The following IL16 variants were observed in gnomAD, a reference collection of about 807,000 sequenced individuals.
IL16 encodes the protein pro-interleukin-16.
In IL16, 67 loss-of-function variants were observed where a neutral mutation model predicts 110.1. The observed-to-expected ratio is 0.61, with a 90% CI of 0.50 to 0.75. The LOEUF (loss-of-function observed/expected upper bound fraction) is 0.75, where lower values mean the gene tolerates loss of function less well. Ranked by LOEUF, IL16 falls within the 30% of genes least tolerant of loss-of-function variation. The probability of loss-of-function intolerance (pLI) is 0.00; values close to 1 mark genes in which losing one functional copy is unlikely to be tolerated. For missense variants in IL16, 1,545 were observed against 1,655.0 expected (o/e 0.93, Z 1.15); for synonymous variants, 689 against 662.9 (o/e 1.04, Z -0.61).
At position 81,300,430 on chromosome 15, in the gene IL16, A is replaced by G. The variant is rs753087886; in HGVS notation, c.3104A>G (p.Asn1035Ser). 6.2e-7 allele frequency: 1 copy of G among 1,614,134 alleles called. No individual in the cohort carries two copies. The highest frequency in any genetic ancestry group is 1.1e-5 in the South Asian group (1 of 91,076). The stretch of plus-strand genomic sequence containing the variant: ...TCATCCAACGAAGACTCAGCTGCAA[A>G]TGGTTCTGCTGAAACATCTGCCTTG... ...TSSSNEDSAA[N>S]GSAETSALDT... is the part of the protein sequence containing the mutation. The change falls in exon 14 of 19, where the codon AAT becomes AGT. Residue 1035 changes from asparagine to serine, a missense_variant. Asn to Ser is a conservative substitution (Grantham distance 46). Around this residue, in one of 3 missense-constraint regions of IL16, gnomAD observed 356 missense variants for 399.3 expected, o/e 0.89. Coordinates refer to ENST00000683961, the MANE Select transcript of IL16 (RefSeq NM_172217.5).
At chr15:81,281,687 C>G (rs867461296) in intron 8 of IL16, among the ~76,000 whole-genome samples, 2 of 152,268 alleles carry the variant, frequency 1.3e-5, no homozygotes, top group African/African-American at 4.8e-5. Flanking sequence ...ATAGCCCTCC[C>G]TGCTTTGGTA....
chr15:81,296,422 C>G (rs1899986710), intron 12 of IL16, among the ~76,000 whole-genome samples: 1 of 152,216 alleles, frequency 6.6e-6, no homozygotes, highest in Admixed American at 6.5e-5. Flanking sequence ...TGCTGAGTAT[C>G]TGTCATCTTT....
At position 81,226,996 on chromosome 15, in the gene IL16, A is replaced by T. The variant is rs569293463; in HGVS notation, c.312+1285A>T. Among the ~76,000 whole-genome samples, 14 of 152,212 alleles carry T rather than the reference A, an allele frequency of 9.2e-5. 1 individual carries two copies. Among genetic ancestry groups the T allele is most frequent in the Non-Finnish European group, 1.5e-4 (10 of 68,044 alleles). ...CTCTTAATATCATAGGTATTTCCTG[A>T]GCACCTATTATCTGCAAGGCACAGT... On this transcript the variant is annotated intron_variant, in intron 2 of 18. Transcript: ENST00000683961.
chr15:81,269,694 A>G (rs566800252), intron 5 of IL16, 46 bp downstream of exon 5: 2 of 1,345,530 alleles, frequency 1.5e-6, no homozygotes, highest in East Asian at 2.3e-5. Flanking sequence ...GGGCAGCACC[A>G]GTCTCCAAGG....
chr15:81,275,361 G>T (rs1898856144), intron 6 of IL16, among the ~76,000 whole-genome samples: 1 of 99,776 alleles, frequency 1.0e-5, no homozygotes, highest in African/African-American at 4.7e-5. Flanking sequence ...GGGGGAGGAG[G>T]GGGGGGAGGG....
intron 2 of IL16, among the ~76,000 whole-genome samples, chr15:81,248,773 C>T (rs1162479116): frequency 4.4e-5 from 6 of 136,282 alleles, no homozygotes; most frequent in African/African-American, 1.4e-4. Flanking sequence ...CAGGCTGGAG[C>T]GCAGTGGTGC....
intron 1 of IL16, among the ~76,000 whole-genome samples, chr15:81,221,113 T>C (rs985278534): frequency 4.6e-5 from 7 of 152,140 alleles, no homozygotes; most frequent in South Asian, 2.1e-4. Flanking sequence ...GTGGAAGATA[T>C]AACCAAAGAA....
chr15:81,259,800 A>G lies in IL16; in HGVS notation c.341A>G (p.Lys114Arg). 6.2e-7 allele frequency: 1 copy of G among 1,613,836 alleles called. No individual in the cohort carries two copies. Residue 114 changes from lysine (K) to arginine (R), a missense_variant, in exon 3 of 19, where the codon AAG (lysine) becomes AGG (arginine). Lys to Arg is a conservative substitution (Grantham distance 26). Transcript: ENST00000683961. ...KESSTASSRE[K>R]PGKLEAQSSN... ...TCTTCCACAGCTTCCTCTCGAGAAAAGCCTGGAAAACTAGAAGCACAAAGT... is the reference window on the plus strand; with the variant it reads ...TCTTCCACAGCTTCCTCTCGAGAAAGGCCTGGAAAACTAGAAGCACAAAGT...
chr15:81,228,880 C>T (rs1896879128), intron 2 of IL16, among the ~76,000 whole-genome samples: 1 of 152,132 alleles, frequency 6.6e-6, no homozygotes, highest in Admixed American at 6.5e-5. Flanking sequence ...TCCACTTTAC[C>T]TCTCTGTGCC....
At chr15:81,215,915 C>T (rs975596748) in intron 1 of IL16, among the ~76,000 whole-genome samples, 2 of 152,210 alleles carry the variant, frequency 1.3e-5, no homozygotes, top group African/African-American at 4.8e-5. Context: ...ATTCTATGTG[C>T]TCCAGATCAC....
chr15:81,292,501 G>A (rs569353854), intron 11 of IL16, 55 bp from the exon 12 acceptor site: 17 of 1,612,564 alleles, frequency 1.1e-5, no homozygotes, highest in African/African-American at 8.0e-5. Flanking sequence ...AGGCCAGGGG[G>A]TATTTCTGTT....
intron 1 of IL16, among the ~76,000 whole-genome samples, chr15:81,200,482 C>T (rs959005473): frequency 1.3e-5 from 2 of 152,072 alleles, no homozygotes; most frequent in African/African-American, 4.8e-5. Flanking sequence ...TGATTCTCCC[C>T]CTTCAGCCTC....
intron 2 of IL16, among the ~76,000 whole-genome samples, chr15:81,237,526 A>G (rs550106456): frequency 6.6e-6 from 1 of 152,362 alleles, no homozygotes; most frequent in East Asian, 1.9e-4. Flanking sequence ...TCTAAAAAAT[A>G]AAGATGCCCT....
intron 2 of IL16, among the ~76,000 whole-genome samples, chr15:81,242,947 T>G (rs533033983): frequency 3.3e-5 from 5 of 151,476 alleles, no homozygotes; most frequent in African/African-American, 1.2e-4. Flanking sequence ...GTCAAAAAAT[T>G]TTTTTGCATT....
intron 1 of IL16, among the ~76,000 whole-genome samples, chr15:81,199,304 G>A (rs73497389): frequency 0.053 from 8,050 of 152,136 alleles, 392 homozygotes; most frequent in East Asian, 0.16. Context: ...AAATAAGGAC[G>A]AATCTATGTC....
chr15:81,244,186 C>G (rs1271045778), intron 2 of IL16, among the ~76,000 whole-genome samples: 1 of 152,152 alleles, frequency 6.6e-6, no homozygotes, highest in Non-Finnish European at 1.5e-5. Context: ...AACCACATCA[C>G]AGTGTTAACA....
chr15:81,306,102 C>A lies in IL16; in HGVS notation c.3615C>A (p.Asp1205Glu). 1 of 1,614,202 alleles carries A rather than the reference C, an allele frequency of 6.2e-7. No individual in the cohort carries two copies. The highest frequency in any genetic ancestry group is 8.5e-7 in the Non-Finnish European group (1 of 1,180,046). Residue 1205 changes from aspartate to glutamate, a missense_variant, in exon 17 of 19, where the codon GAC becomes GAA. By Grantham distance (45) the Asp-to-Glu change is conservative. Coordinates refer to ENST00000683961, the MANE Select transcript of IL16 (RefSeq NM_172217.5). ...AGCTGACTCCAGAGGCCATGCCCGA[C>A]CTCAACTCCTCCACTGACTCTGCAG... is the stretch of plus-strand genomic sequence containing the variant. ...TRKLTPEAMP[D>E]LNSSTDSAAS...
At chr15:81,197,802 G>C (rs1352788756) in intron 1 of IL16, among the ~76,000 whole-genome samples, 1 of 151,946 alleles carries the variant, frequency 6.6e-6, no homozygotes, top group African/African-American at 2.4e-5. Flanking sequence ...CATAAGAATA[G>C]AGGTTCCCTG....
chr15:81,189,096 G>A (rs1442595513), intron 1 of IL16, among the ~76,000 whole-genome samples: 1 of 151,356 alleles, frequency 6.6e-6, no homozygotes, highest in Non-Finnish European at 1.5e-5. Context: ...TGAGACTATA[G>A]GCACATGCCA....
Sources: allele counts gnomAD v4.1 joint callset (sites outside exome capture counted in the v4.1 genomes callset), GRCh38; gene constraint gnomAD v4.1.1; regional missense constraint gnomAD v4.1.1; transcripts MANE v1.5; gene names NCBI Gene and HGNC (gene_info 2026-07-23, HGNC 2026-07-21).